Variants in ITPR1 observed in about 807,000 individuals in gnomAD.
The protein encoded by ITPR1 is inositol 1,4,5-trisphosphate receptor type 1, also known as inositol 1,4,5-trisphosphate-gated calcium channel ITPR1.
Under a neutral mutation model 318.4 loss-of-function variants are expected in ITPR1, and 96 were observed. The observed-to-expected ratio is 0.30, with a 90% CI of 0.26 to 0.36. The LOEUF (loss-of-function observed/expected upper bound fraction) is 0.36, where lower values mean the gene tolerates loss of function less well. ITPR1 is among the 10% of genes least tolerant of loss of function. ITPR1 has a pLI of 1.00. For synonymous variants in ITPR1, 1,312 were observed against 1,289.9 expected, an observed-to-expected ratio of 1.02 and a Z score of -0.37; for missense variants, 2,440 against 3,460.2, an observed-to-expected ratio of 0.71 and a Z score of 7.40.
At chr3:4,536,375 G>T (rs954300099) in intron 4 of ITPR1, among the ~76,000 whole-genome samples, 2 of 152,126 alleles carry the variant, frequency 1.3e-5, no homozygotes, top group African/African-American at 2.4e-5. Context: ...TTTGTTTGAC[G>T]TTTTTACCAT....
chr3:4,665,350 T>G, intron 17 of ITPR1, 54 bp downstream of exon 17: 1 of 1,534,188 alleles, frequency 6.5e-7, no homozygotes, highest in South Asian at 1.2e-5. Flanking sequence ...CTGAAGTTTG[T>G]GAACTTTCCT....
chr3:4,571,414 A>G (rs1451062693), intron 4 of ITPR1, among the ~76,000 whole-genome samples: 1 of 151,900 alleles, frequency 6.6e-6, no homozygotes, highest in Non-Finnish European at 1.5e-5. Context: ...GATCACAGCT[A>G]ACTGTAGCCT....
At chr3:4,519,383 C>A in intron 3 of ITPR1, among the ~76,000 whole-genome samples, 1 of 152,306 alleles carries the variant, frequency 6.6e-6, no homozygotes, top group South Asian at 2.1e-4. Flanking sequence ...CCTGCCACCA[C>A]GCCCAGCTAA....
chr3:4,593,777 A>T (rs973294250), intron 4 of ITPR1, among the ~76,000 whole-genome samples: 1 of 152,246 alleles, frequency 6.6e-6, no homozygotes, highest in Non-Finnish European at 1.5e-5. Context: ...CAAAAGAAAC[A>T]TGAGACATGT....
intron 49 of ITPR1, 88 bp from the exon 50 acceptor site, chr3:4,782,531 G>A (rs775633997): frequency 2.8e-5 from 38 of 1,364,220 alleles, no homozygotes; most frequent in Non-Finnish European, 3.3e-5. Context: ...TCCCTGGGAG[G>A]GGAGACAGCC....
intron 1 of ITPR1, 45 bp downstream of exon 1, chr3:4,493,650 C>A (rs2124848484): frequency 6.6e-6 from 1 of 152,524 alleles, no homozygotes. Context: ...TTGGCACTGG[C>A]TCCCCGGGCG....
At chr3:4,769,712 G>C (rs1414118442) in intron 46 of ITPR1, among the ~76,000 whole-genome samples, 1 of 152,228 alleles carries the variant, frequency 6.6e-6, no homozygotes, top group Non-Finnish European at 1.5e-5. Context: ...CACAGGGAGT[G>C]CAGAAGTAGG....
chr3:4,631,027 C>T (rs576664834), intron 5 of ITPR1, among the ~76,000 whole-genome samples: 12 of 152,240 alleles, frequency 7.9e-5, no homozygotes, highest in Non-Finnish European at 1.5e-4. Flanking sequence ...AGTTTAACTT[C>T]ATGAAAGTGC....
In ITPR1 at chr3:4,685,012, A is replaced by G. The variant is rs80125634; in HGVS notation, c.3565-57A>G. ...TCCCTGCCCGCCACCACCCTCTGCA[A>G]TCTTTTTCCAGCTATAGTTCCTAGT... On this transcript the variant is annotated intron_variant, in intron 29 of 61. Transcript: ENST00000649015. 3.0e-3 allele frequency: 4,680 copies of G among 1,570,462 alleles called. 82 individuals carry two copies. The African/African-American group carries it at 0.041, about 14-fold the overall frequency.
rs562243805 is a variant in ITPR1 at position 4,620,928 on chromosome 3, C to G, written c.164-6835C>G. On this transcript the variant is annotated intron_variant, in intron 4 of 61. Coordinates refer to ENST00000649015, the MANE Select transcript of ITPR1 (RefSeq NM_001378452.1). ...TCCTTCCTCTTTTTCTGCCACCCCC[C>G]ACCCTCTGACACCTTTAAATAACTG... Among the ~76,000 whole-genome samples the G allele has an allele frequency of 3.3e-5, 5 of 152,168 alleles. No homozygotes were observed. The South Asian group carries it at 1.0e-3, about 32-fold the overall frequency.
At chr3:4,706,134 TG>T (rs2094751713) in intron 36 of ITPR1, 32 bp from the exon 37 acceptor site, 1 of 1,613,210 alleles carries the variant, frequency 6.2e-7, no homozygotes, top group African/African-American at 1.3e-5. Flanking sequence ...CCATAAAAGT[TG>T]TAGGCTCACG....
rs553799632 is a variant in ITPR1, at chr3:4,779,922, C to T, written c.6387+277C>T. On this transcript the variant is annotated intron_variant, in intron 49 of 61. Coordinates refer to ENST00000649015, the MANE Select transcript of ITPR1 (RefSeq NM_001378452.1). The surrounding 1 kb of genome is among the most constrained non-coding windows in gnomAD (Gnocchi z 4.0). ...AAACCGCGATTACTTTTGCACCAAC[C>T]TATATGACATTGAATACGTGCTGTT... Among the ~76,000 whole-genome samples, 17 of 151,612 alleles carry T rather than the reference C, an allele frequency of 1.1e-4. No homozygotes were observed. Among genetic ancestry groups the T allele is most frequent in the Admixed American group, 1.1e-3 (17 of 15,268 alleles).
At chr3:4,803,980 T>G (rs1415545194) in intron 54 of ITPR1, among the ~76,000 whole-genome samples, 1 of 152,160 alleles carries the variant, frequency 6.6e-6, no homozygotes, top group Non-Finnish European at 1.5e-5. Flanking sequence ...CAAGCAATTC[T>G]CCTCCCTCAG....
rs115569023 is a variant in ITPR1, at chr3:4,662,729, A to G, written c.1413-336A>G. On this transcript the variant is annotated intron_variant, in intron 15 of 61. Coordinates refer to ENST00000649015, the MANE Select transcript of ITPR1 (RefSeq NM_001378452.1). Reference sequence around the variant, plus strand: ...CAAAGTGAGACTCCATCTCAAAATAATAATAATAATCAAGTGATGAAGACC... The same window carrying G: ...CAAAGTGAGACTCCATCTCAAAATAGTAATAATAATCAAGTGATGAAGACC... Among the ~76,000 whole-genome samples, 1,456 of 152,142 alleles carry G rather than the reference A, an allele frequency of 9.6e-3. 20 individuals carry two copies. Among genetic ancestry groups the G allele is most frequent in the African/African-American group, 0.033 (1,367 of 41,484 alleles).
At chr3:4,566,879 C>G (rs2087343204) in intron 4 of ITPR1, among the ~76,000 whole-genome samples, 1 of 152,178 alleles carries the variant, frequency 6.6e-6, no homozygotes, top group South Asian at 2.1e-4. Context: ...ATCATATTCT[C>G]TTCTTTTCCT....
chr3:4,627,909 C>T (rs754498803), intron 5 of ITPR1, 31 bp downstream of exon 5: 3 of 1,389,758 alleles, frequency 2.2e-6, no homozygotes, highest in Admixed American at 3.6e-5. Context: ...GTCGATGGGG[C>T]AGTAGTGAGT....
chr3:4,589,729 C>A (rs561011458), intron 4 of ITPR1, among the ~76,000 whole-genome samples: 6 of 151,952 alleles, frequency 3.9e-5, no homozygotes, highest in Non-Finnish European at 7.4e-5. Flanking sequence ...GTTCTCAACC[C>A]TGGATGACTG....
chr3:4,776,060 G>T (rs2046464290), intron 47 of ITPR1, among the ~76,000 whole-genome samples: 1 of 152,120 alleles, frequency 6.6e-6, no homozygotes, highest in Non-Finnish European at 1.5e-5. Context: ...TTTGCATTGT[G>T]CTAGGTTGAG....
At chr3:4,718,276 A>G (rs572759421) in intron 40 of ITPR1, among the ~76,000 whole-genome samples, 4 of 152,356 alleles carry the variant, frequency 2.6e-5, no homozygotes, top group African/African-American at 2.4e-5. Context: ...AAACTGGACA[A>G]AAACTTAATT....
Sources: allele counts gnomAD v4.1 joint callset (sites outside exome capture counted in the v4.1 genomes callset), GRCh38; gene constraint gnomAD v4.1.1; non-coding constraint Gnocchi (gnomAD v3.1); transcripts MANE v1.5; gene names NCBI Gene and HGNC (gene_info 2026-07-23, HGNC 2026-07-21).